The following SHROOM4 variants were observed in gnomAD, a reference collection of about 807,000 sequenced individuals.
SHROOM4 encodes shroom family member 4.
Under a neutral mutation model 80.3 loss-of-function variants are expected in SHROOM4, and 17 were observed. The observed-to-expected ratio is 0.21, with a 90% CI of 0.14 to 0.32. The LOEUF (loss-of-function observed/expected upper bound fraction) is 0.32, where lower values mean the gene tolerates loss of function less well. Among genes scored for constraint, SHROOM4 ranks in the 10% least tolerant of loss-of-function variants. The pLI, the probability that SHROOM4 is intolerant of heterozygous loss-of-function variation, is 1.00. For missense variants in SHROOM4, 993 were observed against 1,140.3 expected, an observed-to-expected ratio of 0.87 and a Z score of 1.86; for synonymous variants, 400 against 437.5, an observed-to-expected ratio of 0.91 and a Z score of 1.07.
intron 5 of SHROOM4, among the ~76,000 whole-genome samples, chrX:50,623,971 T>C (rs1050119680): frequency 2.9e-4 from 1 of 3,504 alleles, no homozygotes; most frequent in Admixed American, 8.5e-3. Context: ...GGAAGATCTA[T>C]AAAGACAAAG....
intron 1 of SHROOM4, among the ~76,000 whole-genome samples, chrX:50,736,597 T>C (rs376781306): frequency 3.6e-5 from 4 of 112,425 alleles, no homozygotes; most frequent in African/African-American, 1.3e-4. Context: ...ATCATTTCTT[T>C]TTATGGCTGC....
chrX:50,698,219 G>A (rs1933424765), intron 1 of SHROOM4, among the ~76,000 whole-genome samples: 1 of 112,047 alleles, frequency 8.9e-6, no homozygotes, highest in African/African-American at 3.2e-5. Context: ...AATTATTGCT[G>A]TAGCAAAAGC....
chrX:50,702,932 C>A (rs141016325), intron 1 of SHROOM4, among the ~76,000 whole-genome samples: 1,706 of 111,574 alleles, frequency 0.015, 37 homozygotes, highest in African/African-American at 0.052. Flanking sequence ...ATTCTTTAGT[C>A]TTTAATTCTA....
chrX:50,813,980 C>T lies in SHROOM4; in HGVS notation c.39G>A (p.Val13=), dbSNP rs141510048. ...NRPGSFQYVP[V]QLQGGAPWGF... is the part of the protein sequence containing the mutation. Reference sequence around the variant, plus strand: ...CCCAGGGTGCCCCCCCTTGCAGCTGCACAGGGACGTACTGGAAGGACCCAG... The same window carrying T: ...CCCAGGGTGCCCCCCCTTGCAGCTGTACAGGGACGTACTGGAAGGACCCAG... Residue 13 remains valine (V), a synonymous_variant, in exon 1 of 9, where the codon GTG becomes GTA. Coordinates refer to ENST00000376020, the MANE Select transcript of SHROOM4 (RefSeq NM_020717.5). 53 of 1,206,942 alleles carry T rather than the reference C, an allele frequency of 4.4e-5. No individual in the cohort carries two copies. The highest frequency in any genetic ancestry group is 4.0e-5 in the Non-Finnish European group (36 of 893,689).
At chrX:50,773,527 A>G (rs1436215278) in intron 1 of SHROOM4, among the ~76,000 whole-genome samples, 1 of 112,440 alleles carries the variant, frequency 8.9e-6, no homozygotes, top group African/African-American at 3.2e-5. Context: ...CTGTACTGCA[A>G]TACAAAAGAT....
chrX:50,595,950 C>G lies in SHROOM4; in HGVS notation c.*745G>C, dbSNP rs1557246449. 9.1e-6 allele frequency: 3 copies of G among 328,799 alleles called. No homozygotes were observed. Among genetic ancestry groups the G allele is most frequent in the Non-Finnish European group, 1.8e-5 (3 of 169,830 alleles). The allele number at this position is 328,799 out of a possible 1,213,427, so 27.1% of individuals were successfully genotyped here. On this transcript the variant is annotated 3_prime_UTR_variant, in exon 9 of 9. Coordinates refer to ENST00000376020, the MANE Select transcript of SHROOM4 (RefSeq NM_020717.5). ...CCATATGGTGAAGCCCTGGGGTAGGCACCTGCGGTAACCCCCAGCAATGTA... is the reference window on the plus strand; with the variant it reads ...CCATATGGTGAAGCCCTGGGGTAGGGACCTGCGGTAACCCCCAGCAATGTA...
intron 1 of SHROOM4, among the ~76,000 whole-genome samples, chrX:50,782,949 C>T (rs1383115005): frequency 4.5e-5 from 5 of 111,180 alleles, no homozygotes; most frequent in Non-Finnish European, 7.5e-5. Context: ...AACATTGTGC[C>T]CATAAATAAC....
chrX:50,705,397 T>G (rs1557263888), intron 1 of SHROOM4, among the ~76,000 whole-genome samples: 1 of 111,819 alleles, frequency 8.9e-6, no homozygotes, highest in African/African-American at 3.3e-5. Context: ...GATAGGCATT[T>G]GAGTTCAAGA....
chrX:50,796,962 A>G (rs782593327), intron 1 of SHROOM4, among the ~76,000 whole-genome samples: 6 of 105,654 alleles, frequency 5.7e-5, no homozygotes, highest in African/African-American at 2.1e-4. Flanking sequence ...ACTATCAGAC[A>G]GTGGAAAAGA....
intron 1 of SHROOM4, among the ~76,000 whole-genome samples, chrX:50,700,466 A>G (rs1933487930): frequency 8.9e-6 from 1 of 112,140 alleles, no homozygotes; most frequent in African/African-American, 3.2e-5. Context: ...CAAAGAATGA[A>G]TAAAGTGCTT....
chrX:50,710,430 A>G (rs1269729393), intron 1 of SHROOM4, among the ~76,000 whole-genome samples: 1 of 111,541 alleles, frequency 9.0e-6, no homozygotes, highest in Non-Finnish European at 1.9e-5. Context: ...ACCAAATACC[A>G]CATATTCTCA....
chrX:50,717,379 A>C (rs1933989536), intron 1 of SHROOM4, among the ~76,000 whole-genome samples: 1 of 111,493 alleles, frequency 9.0e-6, no homozygotes, highest in Non-Finnish European at 1.9e-5. Flanking sequence ...CACCACACCC[A>C]GCTAAATTTT....
intron 1 of SHROOM4, among the ~76,000 whole-genome samples, chrX:50,717,910 C>T (rs1299201192): frequency 3.6e-5 from 4 of 111,878 alleles, no homozygotes; most frequent in Non-Finnish European, 5.6e-5. Context: ...GGAAATAATA[C>T]TTGCTCTTTC....
At chrX:50,778,325 T>C (rs782382210) in intron 1 of SHROOM4, among the ~76,000 whole-genome samples, 1 of 112,452 alleles carries the variant, frequency 8.9e-6, no homozygotes, top group South Asian at 3.7e-4. Context: ...CTGCATTACG[T>C]AGTAGACCCT....
rs1305498050 is a variant in SHROOM4 at position 50,738,538 on chromosome X, GACAA to G, written c.118-42605_118-42602del. Among the ~76,000 whole-genome samples the G allele has an allele frequency of 1.3e-3, 145 of 111,266 alleles. 1 individual carries two copies. The highest frequency in any genetic ancestry group is 4.6e-3 in the African/African-American group (142 of 30,641). On this transcript the variant is annotated intron_variant, in intron 1 of 8. Transcript: ENST00000376020. ...CAAGCATTCTTATACAACAATAACA[GACAA>G]ACAGAGAGCCAAATCATGAGTGAAC...
intron 2 of SHROOM4, among the ~76,000 whole-genome samples, chrX:50,669,475 T>G (rs1404997161): frequency 9.0e-6 from 1 of 110,839 alleles, no homozygotes; most frequent in Non-Finnish European, 1.9e-5. Context: ...AACTAAATTT[T>G]TTTTTTGTAG....
chrX:50,735,183 A>G (rs1934458193), intron 1 of SHROOM4, among the ~76,000 whole-genome samples: 1 of 112,104 alleles, frequency 8.9e-6, no homozygotes, highest in Non-Finnish European at 1.9e-5. Flanking sequence ...CGATAAACCT[A>G]TGTTTAACTG....
downstream of SHROOM4, among the ~76,000 whole-genome samples, chrX:50,585,577 T>C (rs1485418826): frequency 5.4e-5 from 6 of 111,452 alleles, no homozygotes; most frequent in Non-Finnish European, 1.1e-4. Flanking sequence ...GCCAGGTCAA[T>C]TAGAGGGAGC....
chrX:50,774,515 G>A (rs1189082646), intron 1 of SHROOM4, among the ~76,000 whole-genome samples: 3 of 110,683 alleles, frequency 2.7e-5, no homozygotes, highest in Non-Finnish European at 1.9e-5. Context: ...AGGGAGACTG[G>A]GGAGTTTCTC....
Sources: allele counts gnomAD v4.1 joint callset (sites outside exome capture counted in the v4.1 genomes callset), GRCh38; gene constraint gnomAD v4.1.1; transcripts MANE v1.5; gene names NCBI Gene and HGNC (gene_info 2026-07-23, HGNC 2026-07-21).